Variants in ZNF467 observed in about 807,000 individuals in gnomAD.
ZNF467 encodes the protein zinc finger protein 467, also known as zinc finger protein EZI.
Under a neutral mutation model 47.8 loss-of-function variants are expected in ZNF467, and 51 were observed. That is an observed-to-expected ratio of 1.07 (90% confidence interval 0.85 to 1.35). The LOEUF (loss-of-function observed/expected upper bound fraction) is 1.35. Among genes scored for constraint, ZNF467 ranks in the 40% most tolerant of loss-of-function variants. ZNF467 has a pLI of 0.00. For synonymous variants in ZNF467, 416 were observed against 372.9 expected (o/e 1.12, Z -1.33); for missense variants, 992 against 858.1 (o/e 1.16, Z -1.95).
intron 1 of ZNF467, 48 bp from the exon 2 acceptor site, chr7:149,771,122 C>A: frequency 6.4e-7 from 1 of 1,558,402 alleles, no homozygotes; most frequent in Non-Finnish European, 8.8e-7. Flanking sequence ...CGCCAGCTTC[C>A]ACCTGGGCCC....
rs1381552478 is a variant in ZNF467, at chr7:149,764,803, C to T, written c.1699G>A (p.Glu567Lys). Residue 567 changes from glutamate to lysine, a missense_variant, in exon 5 of 5, where the codon GAA (glutamate) becomes AAA (lysine). Physicochemically the swap from Glu to Lys is moderately conservative, Grantham distance 56. Transcript: ENST00000302017. The part of the protein sequence containing the change: ...HLVRHQLIHG[E>K]AAHAAPDAAL... ...GCGTCCGGGGCCGCGTGGGCGGCTT[C>T]GCCGTGAATGAGCTGGTGCCGCACC... The T allele has an allele frequency of 6.5e-7, 1 of 1,527,290 alleles. No individual in the cohort carries two copies. Among genetic ancestry groups the T allele is most frequent in the East Asian group, 2.3e-5 (1 of 43,816 alleles). 94.6% of individuals were successfully genotyped at this position (1,527,290 alleles called of 1,614,324 possible).
rs1799217739 is a variant in ZNF467 at position 149,766,258 on chromosome 7, A to C, written c.263-19T>G. 6.6e-7 allele frequency: 1 copy of C among 1,512,734 alleles called. No homozygotes were observed. Among genetic ancestry groups the C allele is most frequent in the African/African-American group, 1.4e-5 (1 of 71,552 alleles). 93.7% of individuals were successfully genotyped at this position (1,512,734 alleles called of 1,614,324 possible). A position where few individuals can be genotyped will look rare whatever the true frequency, so the allele number is the denominator to read the frequency against. ...TCCTCTCCTGGAAAGTCAAAACAAGAATTGTCTATTGAGCTCCACGTGCGG... is the reference window on the plus strand; with the variant it reads ...TCCTCTCCTGGAAAGTCAAAACAAGCATTGTCTATTGAGCTCCACGTGCGG... On this transcript the variant is annotated intron_variant, in intron 4 of 4. Transcript: ENST00000302017.
upstream of ZNF467, among the ~76,000 whole-genome samples, chr7:149,773,876 C>T (rs1166569034): frequency 6.6e-6 from 1 of 152,178 alleles, no homozygotes; most frequent in Admixed American, 6.5e-5. Flanking sequence ...CCTGGAGTCC[C>T]GAGGACCCGA....
chr7:149,764,709 T>G lies in ZNF467; in HGVS notation c.*5A>C. The G allele has an allele frequency of 6.3e-7, 1 of 1,578,192 alleles. No homozygotes were observed. Among genetic ancestry groups the G allele is most frequent in the Non-Finnish European group, 8.6e-7 (1 of 1,158,304 alleles). On this transcript the variant is annotated 3_prime_UTR_variant, in exon 5 of 5. Coordinates refer to ENST00000302017, the MANE Select transcript of ZNF467 (RefSeq NM_207336.3). ...GGCAAGAAAGGGTCCTCGTGAGAAC[T>G]AGGCTCAGAAGAAGAGCGGGGGCGG...
upstream of ZNF467, chr7:149,776,014 C>T (rs368029226): frequency 3.3e-3 from 4,527 of 1,363,360 alleles, 61 homozygotes; most frequent in South Asian, 0.025. Context: ...CTCACGTTCC[C>T]CAAAGGTGCC....
Position 149,769,309 on chromosome 7 carries a change from C to A in ZNF467, c.152-109G>T, listed in dbSNP as rs966239758. ...TTTGAAACCCTGGCTCCAGCAGGGC[C>A]CACAGGGTTCCTCCCACATCCTACC... On this transcript the variant is annotated intron_variant, in intron 3 of 4. Coordinates refer to ENST00000302017, the MANE Select transcript of ZNF467 (RefSeq NM_207336.3). The surrounding 1 kb of genome is among the most constrained non-coding windows in gnomAD (Gnocchi z 5.3). The A allele has an allele frequency of 1.0e-6, 1 of 960,428 alleles. No homozygotes were observed. Among genetic ancestry groups the A allele is most frequent in the Admixed American group, 3.0e-5 (1 of 33,158 alleles). The allele number at this position is 960,428 out of a possible 1,614,324, so 59.5% of individuals were successfully genotyped here.
intron 3 of ZNF467, 135 bp downstream of exon 3, chr7:149,770,305 T>C (rs1429147740): frequency 1.7e-6 from 1 of 572,326 alleles, no homozygotes; most frequent in Admixed American, 3.7e-5. Context: ...CAATAAATAT[T>C]TGATGAATGG....
In ZNF467 at chr7:149,765,928, C is replaced by A; in HGVS notation, c.574G>T (p.Asp192Tyr). ...CGCTGCGTGAAGCTGCGGCCGCAGT[C>A]CGGGCAGGCGCAGGGGCCCTCGCCC... is the stretch of plus-strand genomic sequence containing the variant. Reference protein sequence around the residue: ...HRGEGPCACPDCGRSFTQRAH... With the variant: ...HRGEGPCACPYCGRSFTQRAH... Residue 192 changes from aspartate (D) to tyrosine (Y), a missense_variant, in exon 5 of 5, where the codon GAC (aspartate) becomes TAC (tyrosine). Transcript: ENST00000302017. The A allele has an allele frequency of 3.2e-6, 5 of 1,556,370 alleles. No homozygotes were observed. Among genetic ancestry groups the A allele is most frequent in the Non-Finnish European group, 4.3e-6 (5 of 1,151,388 alleles).
At chr7:149,766,614 C>T (rs1799232026) in intron 4 of ZNF467, among the ~76,000 whole-genome samples, 1 of 152,214 alleles carries the variant, frequency 6.6e-6, no homozygotes. Context: ...CCTCAGTCTC[C>T]ATCTCTGGTC....
upstream of ZNF467, among the ~76,000 whole-genome samples, chr7:149,773,779 C>T (rs1441867113): frequency 6.6e-6 from 1 of 151,760 alleles, no homozygotes; most frequent in Admixed American, 6.6e-5. Context: ...GGGAGGACGG[C>T]CCGGGGGGTC....
chr7:149,769,013 A>G lies in ZNF467; in HGVS notation c.262+77T>C. 7.7e-7 allele frequency: 1 copy of G among 1,291,566 alleles called. No individual in the cohort carries two copies. Among genetic ancestry groups the G allele is most frequent in the East Asian group, 2.6e-5 (1 of 38,702 alleles). 80.0% of individuals were successfully genotyped at this position (1,291,566 alleles called of 1,614,324 possible). On this transcript the variant is annotated intron_variant, in intron 4 of 4. Transcript: ENST00000302017. The surrounding 1 kb of genome is among the most constrained non-coding windows in gnomAD (Gnocchi z 5.3). ...CTTGGGGGATTACCTGCCTCATGAG[A>G]TAGCAGCTCCGGAGCTTGCTGGGCC...
chr7:149,775,161 AG>A, upstream of ZNF467, among the ~76,000 whole-genome samples: 1 of 152,222 alleles, frequency 6.6e-6, no homozygotes. Context: ...CTCCTTCCAG[AG>A]GGTCCTCTCA....
upstream of ZNF467, chr7:149,776,521 A>G (rs374181785): frequency 6.1e-6 from 8 of 1,307,438 alleles, no homozygotes; most frequent in African/African-American, 6.1e-5. Flanking sequence ...GCTCTGTCCT[A>G]TCTACAAGTG....
Position 149,766,055 on chromosome 7 carries a change from C to T in ZNF467, c.447G>A (p.Leu149=), listed in dbSNP as rs1356974297. 1 of 1,605,520 alleles carries T rather than the reference C, an allele frequency of 6.2e-7. No homozygotes were observed. Among genetic ancestry groups the T allele is most frequent in the Non-Finnish European group, 8.5e-7 (1 of 1,175,940 alleles). Residue 149 remains leucine (L), a synonymous_variant, in exon 5 of 5, where the codon CTG becomes CTA. Coordinates refer to ENST00000302017, the MANE Select transcript of ZNF467 (RefSeq NM_207336.3). The part of the protein sequence containing the change: ...GAPGALSGLA[L]SGWGPMPEKP... ...TCTCCGGCATCGGACCCCACCCAGA[C>T]AGCGCGAGCCCACTCAGTGCCCCCG...
Position 149,764,909 on chromosome 7 carries a change from G to A in ZNF467, c.1593C>T (p.Val531=), listed in dbSNP as rs1173518112. The A allele has an allele frequency of 1.3e-6, 2 of 1,567,964 alleles. No homozygotes were observed. The highest frequency in any genetic ancestry group is 3.8e-5 in the Admixed American group (2 of 52,764). The change falls in exon 5 of 5, where the codon GTC becomes GTT. Residue 531 remains valine, a synonymous_variant. Transcript: ENST00000302017. ...ARSFSSKTNL[V]RHQAIHTGSR... is the part of the protein sequence containing the mutation. ...AGCCTGTGTGGATCGCCTGGTGGCG[G>A]ACTAGGTTGGTTTTGGAGCTGAAGC...
chr7:149,767,006 G>C (rs999578453), intron 4 of ZNF467, among the ~76,000 whole-genome samples: 2 of 152,198 alleles, frequency 1.3e-5, no homozygotes, highest in Non-Finnish European at 2.9e-5. Context: ...TCAGCCTAAG[G>C]GCAGGTTGCA....
In ZNF467 at chr7:149,765,528, G is replaced by A. The variant is rs772506610; in HGVS notation, c.974C>T (p.Ala325Val). 6.3e-7 allele frequency: 1 copy of A among 1,578,554 alleles called. No homozygotes were observed. Among genetic ancestry groups the A allele is most frequent in the Non-Finnish European group, 8.6e-7 (1 of 1,162,478 alleles). Reference sequence around the variant, plus strand: ...GTCGGGAGAGGGCCTGGCCGGGCCGGCCGTCTGGTGCACCCTTTGGTGCCG... The same window carrying A: ...GTCGGGAGAGGGCCTGGCCGGGCCGACCGTCTGGTGCACCCTTTGGTGCCG... Reference protein sequence around the residue: ...LVRHQRVHQTAGPARPSPDSS... With the variant: ...LVRHQRVHQTVGPARPSPDSS... Residue 325 changes from alanine to valine, a missense_variant, in exon 5 of 5, where the codon GCC becomes GTC. Coordinates refer to ENST00000302017, the MANE Select transcript of ZNF467 (RefSeq NM_207336.3).
chr7:149,764,783 C>A lies in ZNF467; in HGVS notation c.1719G>T (p.Pro573=), dbSNP rs376967203. Residue 573 remains proline, a synonymous_variant, in exon 5 of 5, where the codon CCG becomes CCT. Coordinates refer to ENST00000302017, the MANE Select transcript of ZNF467 (RefSeq NM_207336.3). The part of the protein sequence containing the change: ...LIHGEAAHAA[P]DAALAAPAWS... Reference sequence around the variant, plus strand: ...AGGCTGGGGCCGCAAGGGCGGCGTCCGGGGCCGCGTGGGCGGCTTCGCCGT... The same window carrying A: ...AGGCTGGGGCCGCAAGGGCGGCGTCAGGGGCCGCGTGGGCGGCTTCGCCGT... 1.3e-6 allele frequency: 2 copies of A among 1,523,530 alleles called. No homozygotes were observed. The highest frequency in any genetic ancestry group is 1.8e-6 in the Non-Finnish European group (2 of 1,136,174). The allele number at this position is 1,523,530 out of a possible 1,614,324, so 94.4% of individuals were successfully genotyped here.
chr7:149,765,331 G>T lies in ZNF467; in HGVS notation c.1171C>A (p.Leu391Met). The change falls in exon 5 of 5, where the codon CTG (leucine) becomes ATG (methionine). Residue 391 changes from leucine to methionine, a missense_variant. Transcript: ENST00000302017. The part of the protein sequence containing the change: ...GRPFGCDECA[L>M]GATVDAPAAK... ...GCGGGGGCATCCACGGTGGCGCCCA[G>T]TGCGCACTCATCGCACCCAAAGGGG... 1 of 1,510,934 alleles carries T rather than the reference G, an allele frequency of 6.6e-7. No individual in the cohort carries two copies. Among genetic ancestry groups the T allele is most frequent in the Non-Finnish European group, 8.9e-7 (1 of 1,127,574 alleles). 93.6% of individuals were successfully genotyped at this position (1,510,934 alleles called of 1,614,324 possible).
Sources: gnomAD v4.1 joint callset for allele counts (sites outside exome capture counted in the v4.1 genomes callset) on GRCh38, gnomAD v4.1.1 for gene constraint, Gnocchi (gnomAD v3.1) non-coding constraint, MANE v1.5 for transcripts, NCBI Gene and HGNC (gene_info 2026-07-23, HGNC 2026-07-21) for gene names.